TMEM236: variants seen among roughly 807,000 people sequenced by gnomAD.
The protein encoded by TMEM236 is family with sequence similarity 23, member A.
In TMEM236, 11 loss-of-function variants were observed where a neutral mutation model predicts 14.7. The observed-to-expected ratio is 0.75, with a 90% CI of 0.47 to 1.24. TMEM236 has a LOEUF of 1.24. TMEM236 is among the 50% of genes most tolerant of loss of function. The pLI, the probability that TMEM236 is intolerant of heterozygous loss-of-function variation, is 0.00. For missense variants in TMEM236, 464 were observed against 427.3 expected (o/e 1.09, Z -0.76); for synonymous variants, 182 against 168.6 (o/e 1.08, Z -0.62).
intron 3 of TMEM236, among the ~76,000 whole-genome samples, chr10:17,781,745 CAAAAA>C (rs67839025): frequency 6.2e-5 from 6 of 96,842 alleles, no homozygotes; most frequent in East Asian, 2.9e-4. Flanking sequence ...ACCTCTGTCT[CAAAAA>C]AAAAAAAAAA....
At chr10:17,794,541 A>G (rs1837978057) in intron 3 of TMEM236, among the ~76,000 whole-genome samples, 1 of 151,704 alleles carries the variant, frequency 6.6e-6, no homozygotes, top group South Asian at 2.1e-4. Flanking sequence ...GAACACACAG[A>G]CACACACACG....
intron 1 of TMEM236, among the ~76,000 whole-genome samples, chr10:17,754,087 C>G (rs1837248515): frequency 6.6e-6 from 1 of 152,154 alleles, no homozygotes; most frequent in South Asian, 2.1e-4. Context: ...CCAGTTCATG[C>G]TATTCTAAGT....
intron 1 of TMEM236, among the ~76,000 whole-genome samples, chr10:17,759,728 G>A (rs920890079): frequency 3.3e-5 from 5 of 152,082 alleles, no homozygotes; most frequent in Non-Finnish European, 7.4e-5. Flanking sequence ...AGGCACAGGA[G>A]TTAGAAGATC....
chr10:17,752,988 A>C (rs1276856827), intron 1 of TMEM236, among the ~76,000 whole-genome samples: 1 of 152,106 alleles, frequency 6.6e-6, no homozygotes, highest in Admixed American at 6.6e-5. Context: ...CAGGTTTGTT[A>C]CATAAGTTAA....
At position 17,799,069 on chromosome 10, in the gene TMEM236, A is replaced by G. The variant is rs1156386346; in HGVS notation, c.*2565A>G. The G allele has an allele frequency of 5.3e-6, 1 of 188,278 alleles. No homozygotes were observed. The highest frequency in any genetic ancestry group is 1.1e-5 in the Non-Finnish European group (1 of 89,522). The allele number at this position is 188,278 out of a possible 1,614,324, so 11.7% of individuals were successfully genotyped here. ...TTCAAAAGTGATCGATCTGCTGAAT[A>G]TATAAATTAAAATGGACACAAGCCT... On this transcript the variant is annotated 3_prime_UTR_variant, in exon 4 of 4. Transcript: ENST00000377495.
chr10:17,783,159 A>G (rs1393023672), intron 3 of TMEM236, among the ~76,000 whole-genome samples: 3 of 152,180 alleles, frequency 2.0e-5, no homozygotes, highest in South Asian at 2.1e-4. Flanking sequence ...TATCAGGATG[A>G]TGATTGCAGA....
intron 3 of TMEM236, among the ~76,000 whole-genome samples, chr10:17,789,501 C>T (rs1362066442): frequency 2.0e-5 from 3 of 152,182 alleles, no homozygotes; most frequent in African/African-American, 4.8e-5. Context: ...TGACGAATTC[C>T]TTCACTGTGA....
chr10:17,752,580 T>C, intron 1 of TMEM236, 28 bp downstream of exon 1: 1 of 1,609,246 alleles, frequency 6.2e-7, no homozygotes, highest in African/African-American at 1.3e-5. Flanking sequence ...CTTTTTTTTC[T>C]TTTTGATTTG....
intron 1 of TMEM236, among the ~76,000 whole-genome samples, chr10:17,754,924 T>TTTTATTTA (rs372416227): frequency 0.2 from 29,445 of 146,550 alleles, 3,490 homozygotes; most frequent in African/African-American, 0.32. Context: ...CATACTGATG[T>TTTTATTTA]TTTATTTATT....
At chr10:17,771,158 A>G in intron 1 of TMEM236, 151 bp from the exon 2 acceptor site, 1 of 725,036 alleles carries the variant, frequency 1.4e-6, no homozygotes, top group South Asian at 1.6e-5. Flanking sequence ...TCTTTGCCAT[A>G]TGCAAACATT....
intron 3 of TMEM236, among the ~76,000 whole-genome samples, chr10:17,788,293 C>T (rs1464977655): frequency 2.7e-5 from 4 of 150,576 alleles, no homozygotes; most frequent in Non-Finnish European, 4.4e-5. Flanking sequence ...GGGAGAAGGA[C>T]CACAATATGA....
At chr10:17,776,935 G>A (rs1174544508) in intron 3 of TMEM236, among the ~76,000 whole-genome samples, 5 of 152,026 alleles carry the variant, frequency 3.3e-5, no homozygotes, top group Non-Finnish European at 7.4e-5. Flanking sequence ...AATTTCTTGC[G>A]GTAGTATCTG....
chr10:17,787,404 G>A (rs1765222235), intron 3 of TMEM236, among the ~76,000 whole-genome samples: 1 of 152,224 alleles, frequency 6.6e-6, no homozygotes, highest in Admixed American at 6.5e-5. Flanking sequence ...TCATGGCCTT[G>A]CTTAAGGGGC....
intron 1 of TMEM236, among the ~76,000 whole-genome samples, chr10:17,763,838 T>C (rs1837416194): frequency 6.6e-6 from 1 of 152,146 alleles, no homozygotes; most frequent in Admixed American, 6.6e-5. Flanking sequence ...CCTCAAGACC[T>C]GGATTAGAAT....
intron 1 of TMEM236, among the ~76,000 whole-genome samples, chr10:17,769,244 A>G (rs969015953): frequency 5.3e-5 from 8 of 152,212 alleles, no homozygotes. Context: ...GTTGGCAGAA[A>G]AGGAGTTTGA....
rs1589156679 is a variant in TMEM236 at position 17,799,919 on chromosome 10, T to C, written c.*3415T>C. 2 of 152,764 alleles carry C rather than the reference T, an allele frequency of 1.3e-5. No individual in the cohort carries two copies. The highest frequency in any genetic ancestry group is 3.9e-4 in the East Asian group (2 of 5,190). 9.5% of individuals were successfully genotyped at this position (152,764 alleles called of 1,614,324 possible). ...ATTGAGTAGCTAATTTAATTTCATT[T>C]AATATTTTACTTAGAGTGTATACAT... On this transcript the variant is annotated 3_prime_UTR_variant, in exon 4 of 4. Coordinates refer to ENST00000377495, the MANE Select transcript of TMEM236 (RefSeq NM_001098844.3).
intron 3 of TMEM236, among the ~76,000 whole-genome samples, chr10:17,787,474 T>C (rs1333895021): frequency 4.6e-5 from 7 of 152,184 alleles, no homozygotes; most frequent in African/African-American, 1.7e-4. Context: ...GAGCTCCACA[T>C]TTTTTACCCA....
At chr10:17,767,118 C>T (rs1837479637) in intron 1 of TMEM236, among the ~76,000 whole-genome samples, 1 of 152,108 alleles carries the variant, frequency 6.6e-6, no homozygotes. Context: ...TTTGGGATTT[C>T]AACATATCTT....
At chr10:17,763,811 G>T (rs1554834182) in intron 1 of TMEM236, among the ~76,000 whole-genome samples, 1 of 152,068 alleles carries the variant, frequency 6.6e-6, no homozygotes, top group Non-Finnish European at 1.5e-5. Context: ...AGTGGTTAGG[G>T]GCGTGAGTTT....
Sources: gnomAD v4.1 joint callset for allele counts (sites outside exome capture counted in the v4.1 genomes callset) on GRCh38, gnomAD v4.1.1 for gene constraint, MANE v1.5 for transcripts, NCBI Gene and HGNC (gene_info 2026-07-23, HGNC 2026-07-21) for gene names.